The following BCAS3 variants were observed in gnomAD, a reference collection of about 807,000 sequenced individuals.
BCAS3 encodes the protein BCAS3 microtubule associated cell migration factor, also known as BCAS4/BCAS3 fusion.
A neutral mutation model predicts 116.1 loss-of-function variants in BCAS3; 53 were observed. The observed-to-expected ratio is 0.46, with a 90% CI of 0.37 to 0.57. The LOEUF is 0.57. Among genes scored for constraint, BCAS3 ranks in the 20% least tolerant of loss-of-function variants. BCAS3 has a pLI of 0.00. For synonymous variants in BCAS3, 391 were observed against 408.2 expected, an observed-to-expected ratio of 0.96 and a Z score of 0.51; for missense variants, 917 against 1,165.4, an observed-to-expected ratio of 0.79 and a Z score of 3.10.
At chr17:61,000,744 G>C (rs750675235) in intron 15 of BCAS3, among the ~76,000 whole-genome samples, 1 of 151,952 alleles carries the variant, frequency 6.6e-6, no homozygotes, top group African/African-American at 2.4e-5. Flanking sequence ...TTCTTTAAAG[G>C]CTTTTAGAAC....
At chr17:61,076,481 A>G (rs1324906536) in intron 20 of BCAS3, among the ~76,000 whole-genome samples, 1 of 152,214 alleles carries the variant, frequency 6.6e-6, no homozygotes, top group Non-Finnish European at 1.5e-5. Context: ...GTGGCGGTCC[A>G]TCCTTTCTTA....
chr17:61,174,662 TG>T (rs780885824), intron 22 of BCAS3, among the ~76,000 whole-genome samples: 18 of 152,228 alleles, frequency 1.2e-4, no homozygotes, highest in Non-Finnish European at 2.4e-4. Flanking sequence ...CTTTCCTTTC[TG>T]TATATACCCA....
chr17:61,183,883 G>T (rs1256755754), intron 22 of BCAS3, among the ~76,000 whole-genome samples: 1 of 152,202 alleles, frequency 6.6e-6, no homozygotes, highest in African/African-American at 2.4e-5. Flanking sequence ...AGCTAGTGCT[G>T]GCTGGTTTGA....
At chr17:61,033,685 G>T (rs2066811387) in intron 16 of BCAS3, among the ~76,000 whole-genome samples, 1 of 152,154 alleles carries the variant, frequency 6.6e-6, no homozygotes, top group Non-Finnish European at 1.5e-5. Flanking sequence ...TCCTACCTTG[G>T]CTGTGATCTT....
intron 7 of BCAS3, among the ~76,000 whole-genome samples, chr17:60,825,691 A>T (rs985695099): frequency 6.6e-6 from 1 of 151,566 alleles, no homozygotes. Flanking sequence ...TTGCACCTTG[A>T]ACTCCATGTC....
rs1355417617 is a variant in BCAS3, at chr17:61,084,732, G to A, written c.2425+168G>A. Among the ~76,000 whole-genome samples the A allele has an allele frequency of 1.3e-5, 2 of 152,202 alleles. No individual in the cohort carries two copies. The highest frequency in any genetic ancestry group is 3.8e-4 in the East Asian group (2 of 5,202). On this transcript the variant is annotated intron_variant, in intron 22 of 23. Transcript: ENST00000407086. The surrounding 1 kb of genome is among the most constrained non-coding windows in gnomAD (Gnocchi z 5.5). ...GTGCCTATATTTCTTGCTGAACAAT[G>A]CCATGCTTTTAAGCATTCCTAAGGT...
intron 7 of BCAS3, among the ~76,000 whole-genome samples, chr17:60,839,843 A>G (rs997464591): frequency 6.6e-6 from 1 of 152,188 alleles, no homozygotes; most frequent in Admixed American, 6.5e-5. Context: ...TTTGTGTTTC[A>G]CTTATACATG....
chr17:60,776,918 G>A (rs1202982246), intron 6 of BCAS3, among the ~76,000 whole-genome samples: 1 of 151,616 alleles, frequency 6.6e-6, no homozygotes, highest in Non-Finnish European at 1.5e-5. Context: ...GGGAGGCTTA[G>A]GCAGGAGAAT....
At position 61,199,306 on chromosome 17, in the gene BCAS3, C is replaced by T. The variant is rs947718208; in HGVS notation, c.2425+114742C>T. On this transcript the variant is annotated intron_variant, in intron 22 of 23. Coordinates refer to ENST00000407086, the MANE Select transcript of BCAS3 (RefSeq NM_017679.5). The surrounding 1 kb of genome is among the most constrained non-coding windows in gnomAD (Gnocchi z 4.6). ...TGCTGCCAGCCAGCCTTACTCTTTC[C>T]TCTCTACACTGCCACAGCTACAACT... 1.3e-5 allele frequency among the ~76,000 whole-genome samples: 2 copies of T among 152,132 alleles called. No homozygotes were observed. Among genetic ancestry groups the T allele is most frequent in the Non-Finnish European group, 1.5e-5 (1 of 68,028 alleles).
intron 22 of BCAS3, among the ~76,000 whole-genome samples, chr17:61,216,222 T>C (rs988678673): frequency 6.6e-5 from 10 of 152,186 alleles, no homozygotes; most frequent in Non-Finnish European, 4.4e-5. Flanking sequence ...TATCATGGGA[T>C]GTCCAGAAGT....
rs1247107164 is a variant in BCAS3 at position 61,347,502 on chromosome 17, G to A, written c.2426-20825G>A. ...GCTAGGTGCCAGGAACTGAGGCACT[G>A]TGCTGTGCACTGGGGACAGAGATCT... On this transcript the variant is annotated intron_variant, in intron 22 of 23. Coordinates refer to ENST00000407086, the MANE Select transcript of BCAS3 (RefSeq NM_017679.5). This position sits in a 1 kb window ranked among gnomAD's most constrained non-coding sequence, Gnocchi z 4.3. 2.6e-5 allele frequency among the ~76,000 whole-genome samples: 4 copies of A among 152,232 alleles called. No individual in the cohort carries two copies. Among genetic ancestry groups the A allele is most frequent in the African/African-American group, 9.6e-5 (4 of 41,462 alleles).
chr17:61,046,034 TTTA>T (rs2068222468), intron 19 of BCAS3, among the ~76,000 whole-genome samples: 2 of 12,328 alleles, frequency 1.6e-4, no homozygotes, highest in Non-Finnish European at 2.3e-4. Context: ...TATATATATA[TTTA>T]TATATATATA....
At position 61,337,171 on chromosome 17, in the gene BCAS3, A is replaced by T. The variant is rs2092709661; in HGVS notation, c.2426-31156A>T. Among the ~76,000 whole-genome samples the T allele has an allele frequency of 6.6e-6, 1 of 152,144 alleles. No individual in the cohort carries two copies. Among genetic ancestry groups the T allele is most frequent in the South Asian group, 2.1e-4 (1 of 4,838 alleles). ...AACTCCAAGCCTGATATTTCTGCCC[A>T]GGCTCCCTTTTTTATACTTTATTTA... On this transcript the variant is annotated intron_variant, in intron 22 of 23. Transcript: ENST00000407086. The surrounding 1 kb of genome is among the most constrained non-coding windows in gnomAD (Gnocchi z 4.8).
intron 6 of BCAS3, among the ~76,000 whole-genome samples, chr17:60,764,291 G>T (rs1388358904): frequency 6.6e-6 from 1 of 151,994 alleles, no homozygotes; most frequent in Non-Finnish European, 1.5e-5. Flanking sequence ...TGATGTTAGG[G>T]TGTCAGTTTT....
intron 12 of BCAS3, among the ~76,000 whole-genome samples, chr17:60,921,612 C>CAAAA (rs755864096): frequency 2.7e-4 from 9 of 33,302 alleles, no homozygotes; most frequent in East Asian, 8.8e-4. Context: ...GACTCCGTCT[C>CAAAA]AAAAAAAAAA....
intron 13 of BCAS3, among the ~76,000 whole-genome samples, chr17:60,940,922 A>G (rs1441265364): frequency 6.6e-6 from 1 of 152,210 alleles, no homozygotes; most frequent in Non-Finnish European, 1.5e-5. Flanking sequence ...ATTTTATAGC[A>G]TATGCCTGGT....
At chr17:60,953,551 G>T (rs766742697) in intron 14 of BCAS3, among the ~76,000 whole-genome samples, 1 of 151,934 alleles carries the variant, frequency 6.6e-6, no homozygotes, top group Non-Finnish European at 1.5e-5. Context: ...CTTTTGCTGT[G>T]CAGAAGCTCT....
chr17:60,839,747 T>A (rs2051723598), intron 7 of BCAS3, among the ~76,000 whole-genome samples: 1 of 152,220 alleles, frequency 6.6e-6, no homozygotes, highest in African/African-American at 2.4e-5. Flanking sequence ...TAACACATGT[T>A]GAAGGTTGTG....
chr17:60,678,662 G>C (rs1176343286), intron 1 of BCAS3, among the ~76,000 whole-genome samples: 3 of 152,156 alleles, frequency 2.0e-5, no homozygotes, highest in African/African-American at 7.2e-5. Context: ...TATAGTAGCA[G>C]GGGGTTACGA....
Sources: gnomAD v4.1 joint callset for allele counts (sites outside exome capture counted in the v4.1 genomes callset) on GRCh38, gnomAD v4.1.1 for gene constraint, Gnocchi (gnomAD v3.1) non-coding constraint, MANE v1.5 for transcripts, NCBI Gene and HGNC (gene_info 2026-07-23, HGNC 2026-07-21) for gene names.